The following ESR1 variants were observed in gnomAD, a reference collection of about 807,000 sequenced individuals.
ESR1 encodes the protein estrogen receptor.
In ESR1, 12 loss-of-function variants were observed where a neutral mutation model predicts 52.7. The ratio of observed to expected loss-of-function variants is 0.23; its 90% CI spans 0.15 to 0.37. The LOEUF (loss-of-function observed/expected upper bound fraction) is 0.37. ESR1 is among the 10% of genes least tolerant of loss of function. The pLI is 1.00. For missense variants in ESR1, 584 were observed against 779.7 expected (o/e 0.75, Z 2.99); for synonymous variants, 305 against 316.8 (o/e 0.96, Z 0.39).
intron 2 of ESR1, among the ~76,000 whole-genome samples, chr6:151,857,463 ACACCCACACACACAAACACACCCACC>A (rs1042960349): frequency 5.3e-5 from 8 of 151,620 alleles, no homozygotes; most frequent in Non-Finnish European, 1.2e-4. Context: ...CTTCATAAAC[ACACCCACACACACAAACACACCCACC>A]CACCCACACA....
chr6:151,780,295 C>G (rs1240523998), intron 2 of ESR1, among the ~76,000 whole-genome samples: 1 of 151,952 alleles, frequency 6.6e-6, no homozygotes, highest in Non-Finnish European at 1.5e-5. Flanking sequence ...CACCATGACA[C>G]ATGTATACCT....
At chr6:152,041,837 AC>A (rs1185122162) in intron 5 of ESR1, among the ~76,000 whole-genome samples, 2 of 152,222 alleles carry the variant, frequency 1.3e-5, no homozygotes, top group African/African-American at 4.8e-5. Flanking sequence ...GGCCTTATGG[AC>A]AGGAATGGAG....
At chr6:151,871,365 T>A (rs1352367218) in intron 2 of ESR1, among the ~76,000 whole-genome samples, 1 of 152,074 alleles carries the variant, frequency 6.6e-6, no homozygotes, top group Non-Finnish European at 1.5e-5. Context: ...CAACCGGAAC[T>A]TTTCATCCTC....
intron 2 of ESR1, among the ~76,000 whole-genome samples, chr6:151,852,479 A>G (rs1319450963): frequency 6.6e-6 from 1 of 152,186 alleles, no homozygotes; most frequent in Non-Finnish European, 1.5e-5. Context: ...CCTTCTAAAC[A>G]GGAAAATGAT....
At chr6:151,790,326 G>A (rs1787411601) in intron 2 of ESR1, among the ~76,000 whole-genome samples, 1 of 152,162 alleles carries the variant, frequency 6.6e-6, no homozygotes, top group Admixed American at 6.5e-5. Flanking sequence ...GTGGGCCAGA[G>A]TTCTCTTATC....
At chr6:151,713,747 C>A (rs962163823) in intron 2 of ESR1, among the ~76,000 whole-genome samples, 1 of 152,026 alleles carries the variant, frequency 6.6e-6, no homozygotes, top group African/African-American at 2.4e-5. Flanking sequence ...ATTAGTCTGG[C>A]TAGCAGTCTA....
chr6:151,995,766 A>G (rs545768747), intron 4 of ESR1, among the ~76,000 whole-genome samples: 1 of 152,318 alleles, frequency 6.6e-6, no homozygotes, highest in African/African-American at 2.4e-5. Context: ...TTGAATCACA[A>G]TGAGTACAAC....
chr6:151,680,382 T>G (rs1778412969), intron 1 of ESR1, among the ~76,000 whole-genome samples: 1 of 152,014 alleles, frequency 6.6e-6, no homozygotes, highest in African/African-American at 2.4e-5. Context: ...TTTTATATTT[T>G]TAGTAGAGAC....
intron 1 of ESR1, among the ~76,000 whole-genome samples, chr6:151,680,292 C>T (rs1778408688): frequency 6.6e-6 from 1 of 151,262 alleles, no homozygotes; most frequent in Admixed American, 6.6e-5. Context: ...CAATCTCCAC[C>T]TTCCAGGTTC....
rs977078967 is a variant in ESR1 at position 152,122,344 on chromosome 6, A to G, written c.851-2922A>G. 3.1e-6 allele frequency: 5 copies of G among 1,608,140 alleles called. No individual in the cohort carries two copies. In the South Asian group the frequency reaches 3.3e-5, roughly 11 times the overall value. ...AGCTGCCACACCGAGGGCTTTCGCCAAGATCAAGGTCCTCTTGTTGGTAGT... is the reference window on the plus strand; with the variant it reads ...AGCTGCCACACCGAGGGCTTTCGCCGAGATCAAGGTCCTCTTGTTGGTAGT... On this transcript the variant is annotated intron_variant, in intron 6 of 6. Coordinates refer to the ESR1 transcript ENST00000427531.
intron 6 of ESR1, among the ~76,000 whole-genome samples, chr6:152,085,480 G>T (rs1182777827): frequency 6.6e-6 from 1 of 152,104 alleles, no homozygotes; most frequent in Non-Finnish European, 1.5e-5. Flanking sequence ...TGTTCACAAT[G>T]TCTAAAGTCT....
rs543212629 is a variant in ESR1, at chr6:152,015,133, G to A, written c.1235+3339G>A. 4.6e-5 allele frequency among the ~76,000 whole-genome samples: 7 copies of A among 152,196 alleles called. No individual in the cohort carries two copies. In the South Asian group the frequency reaches 6.2e-4, roughly 14 times the overall value. On this transcript the variant is annotated intron_variant, in intron 5 of 7. Coordinates refer to ENST00000206249, the MANE Select transcript of ESR1 (RefSeq NM_000125.4). The stretch of plus-strand genomic sequence containing the variant: ...AATCACTATTACAAGTGTCTCAAAC[G>A]CAAATTTCTGAAGAGTCACAGGTGA...
At chr6:151,817,271 G>T (rs1351578241) in intron 1 of ESR1, among the ~76,000 whole-genome samples, 1 of 152,166 alleles carries the variant, frequency 6.6e-6, no homozygotes, top group Admixed American at 6.5e-5. Flanking sequence ...CAGTAGTTAA[G>T]AAAAACAACA....
intron 1 of ESR1, among the ~76,000 whole-genome samples, chr6:151,837,687 A>G (rs1393329911): frequency 2.6e-5 from 4 of 152,178 alleles, no homozygotes; most frequent in African/African-American, 7.2e-5. Flanking sequence ...GGCATCTGTT[A>G]GGTTGAAGGA....
chr6:151,980,208 T>C (rs1056306764), intron 4 of ESR1, among the ~76,000 whole-genome samples: 1 of 152,222 alleles, frequency 6.6e-6, no homozygotes, highest in African/African-American at 2.4e-5. Flanking sequence ...TAAATTCAAA[T>C]GGTAAGCTAC....
chr6:151,739,725 T>G (rs2128055018), intron 2 of ESR1, among the ~76,000 whole-genome samples: 1 of 152,380 alleles, frequency 6.6e-6, no homozygotes, highest in African/African-American at 2.4e-5. Context: ...TTCATCTTGT[T>G]GGCCCCATTG....
At chr6:151,720,652 G>A (rs1183640760) in intron 2 of ESR1, among the ~76,000 whole-genome samples, 3 of 152,038 alleles carry the variant, frequency 2.0e-5, no homozygotes, top group Non-Finnish European at 4.4e-5. Context: ...AAGTATAATT[G>A]CTTTTATAGT....
At chr6:151,788,221 G>A (rs1051419924) in intron 2 of ESR1, among the ~76,000 whole-genome samples, 1 of 152,078 alleles carries the variant, frequency 6.6e-6, no homozygotes, top group East Asian at 1.9e-4. Flanking sequence ...TCTAACCAAG[G>A]TCTACTATCC....
intron 4 of ESR1, among the ~76,000 whole-genome samples, chr6:151,988,603 A>G (rs1187272389): frequency 1.3e-5 from 2 of 152,040 alleles, no homozygotes; most frequent in African/African-American, 4.8e-5. Flanking sequence ...AGATGATCAG[A>G]AAAAATATTA....
Sources: allele counts gnomAD v4.1 joint callset (sites outside exome capture counted in the v4.1 genomes callset), GRCh38; gene constraint gnomAD v4.1.1; transcripts MANE v1.5; gene names NCBI Gene and HGNC (gene_info 2026-07-23, HGNC 2026-07-21).